Variants in RNF217 observed in about 807,000 individuals in gnomAD.
RNF217 encodes the protein ring finger protein 217, also known as E3 ubiquitin-protein ligase RNF217.
In RNF217, 31 loss-of-function variants were observed where a neutral mutation model predicts 57.8. The observed-to-expected ratio is 0.54, with a 90% confidence interval of 0.40 to 0.72. The LOEUF (loss-of-function observed/expected upper bound fraction) is 0.72, where lower values mean the gene tolerates loss of function less well. Ranked by LOEUF, RNF217 falls within the 30% of genes least tolerant of loss-of-function variation. The pLI is 0.00. For synonymous variants in RNF217, 313 were observed against 294.0 expected (o/e 1.06, Z -0.66); for missense variants, 696 against 708.3 (o/e 0.98, Z 0.20).
chr6:124,962,727 C>T lies in RNF217; in HGVS notation c.183C>T (p.Cys61=). The T allele has an allele frequency of 1.3e-6, 2 of 1,552,196 alleles. No individual in the cohort carries two copies. The highest frequency in any genetic ancestry group is 2.3e-5 in the East Asian group (1 of 42,636). The change falls in exon 1 of 6, where the codon TGC becomes TGT. Residue 61 remains cysteine (C), a synonymous_variant. Coordinates refer to ENST00000521654, the MANE Select transcript of RNF217 (RefSeq NM_001286398.3). The surrounding 1 kb of genome is among the most constrained non-coding windows in gnomAD (Gnocchi z 4.6). Reference sequence around the variant, plus strand: ...GTGGCTGCGGAAGCGACTGGGGCTGCGCGGACACCAGCGCCCCAGAGCCCG... The same window carrying T: ...GTGGCTGCGGAAGCGACTGGGGCTGTGCGGACACCAGCGCCCCAGAGCCCG... ...SGGGCGSDWG[C]ADTSAPEPAR... is the part of the protein sequence containing the mutation.
At chr6:124,999,761 C>T (rs936419348) in intron 1 of RNF217, among the ~76,000 whole-genome samples, 19 of 152,076 alleles carry the variant, frequency 1.2e-4, no homozygotes, top group Admixed American at 1.2e-3. Flanking sequence ...TTATCATGGA[C>T]CCCTGGTGTT....
Position 124,962,630 on chromosome 6 carries a change from A to G in RNF217, c.86A>G (p.Glu29Gly). 7.6e-7 allele frequency: 1 copy of G among 1,321,352 alleles called. No individual in the cohort carries two copies. Among genetic ancestry groups the G allele is most frequent in the Non-Finnish European group, 9.6e-7 (1 of 1,046,486 alleles). The allele number at this position is 1,321,352 out of a possible 1,614,324, so 81.9% of individuals were successfully genotyped here. A position where few individuals can be genotyped will look rare whatever the true frequency, so the allele number is the denominator to read the frequency against. ...GCCAGTGGCACTGCGGGCCACCCTG[A>G]GCCCCCGAGGCCTCAGGGGGACAGC... ...TLASGTAGHP[E>G]PPRPQGDSAR... is the part of the protein sequence containing the mutation. The change falls in exon 1 of 6, where the codon GAG becomes GGG. Residue 29 changes from glutamate (E) to glycine (G), a missense_variant. Glu to Gly is a moderately conservative substitution (Grantham distance 98). This residue lies in a region of RNF217 where 465 missense variants were observed against 386.8 expected (regional missense o/e 1.20). Transcript: ENST00000521654. The surrounding 1 kb of genome is among the most constrained non-coding windows in gnomAD (Gnocchi z 4.6).
chr6:125,057,936 A>G lies in RNF217; in HGVS notation c.1117-6A>G. 6.3e-7 allele frequency: 1 copy of G among 1,594,740 alleles called. No individual in the cohort carries two copies. The highest frequency in any genetic ancestry group is 8.5e-7 in the Non-Finnish European group (1 of 1,170,016). ...TAGTAATTAATATGATTTTTTTCTT[A>G]CACAGATCCAGTGCCCTACCTGCCA... On this transcript the variant is annotated splice_polypyrimidine_tract_variant and splice_region_variant and intron_variant, in intron 2 of 5. Transcript: ENST00000521654.
intron 2 of RNF217, among the ~76,000 whole-genome samples, chr6:125,050,254 G>A (rs1787258755): frequency 6.6e-6 from 1 of 152,008 alleles, no homozygotes; most frequent in East Asian, 1.9e-4. Context: ...ACATGTTAGA[G>A]AACACGTTAG....
At chr6:125,051,222 T>C (rs1347698753) in intron 2 of RNF217, among the ~76,000 whole-genome samples, 2 of 151,972 alleles carry the variant, frequency 1.3e-5, no homozygotes, top group Admixed American at 6.6e-5. Context: ...AATAATCAAA[T>C]CTTGCAGCTA....
At position 125,091,349 on chromosome 6, in the gene RNF217, ATTTC is replaced by A. The variant is rs1445912035; in HGVS notation, c.*8415_*8418del. ...TGCCTTATTTTTTTCACTTGACTTT[ATTTC>A]TTATCTAAAGAGCCATATATTTTTT... On this transcript the variant is annotated 3_prime_UTR_variant, in exon 6 of 6. Transcript: ENST00000521654. 1.3e-5 allele frequency: 2 copies of A among 151,832 alleles called. No homozygotes were observed. Among genetic ancestry groups the A allele is most frequent in the African/African-American group, 2.4e-5 (1 of 41,342 alleles). 9.4% of individuals were successfully genotyped at this position (151,832 alleles called of 1,614,324 possible). A position where few individuals can be genotyped will look rare whatever the true frequency, so the allele number is the denominator to read the frequency against.
At chr6:125,034,098 CTT>C (rs1786491351) in intron 1 of RNF217, among the ~76,000 whole-genome samples, 1 of 151,852 alleles carries the variant, frequency 6.6e-6, no homozygotes, top group South Asian at 2.1e-4. Context: ...GATATTAGCC[CTT>C]TGTCAGATGA....
chr6:125,018,477 G>T (rs1785695854), intron 1 of RNF217, among the ~76,000 whole-genome samples: 1 of 151,972 alleles, frequency 6.6e-6, no homozygotes, highest in Non-Finnish European at 1.5e-5. Flanking sequence ...GTTTGTTGAA[G>T]ACTTTTCAAA....
At chr6:125,011,110 G>A (rs1785398461) in intron 1 of RNF217, among the ~76,000 whole-genome samples, 2 of 152,050 alleles carry the variant, frequency 1.3e-5, no homozygotes, top group South Asian at 4.1e-4. Flanking sequence ...GAAAAGAAAT[G>A]GAGCCGTTAA....
At chr6:125,018,716 A>G (rs866743212) in intron 1 of RNF217, among the ~76,000 whole-genome samples, 4 of 152,184 alleles carry the variant, frequency 2.6e-5, no homozygotes, top group South Asian at 4.1e-4. Flanking sequence ...TAAAGATGGT[A>G]GTAGGACTAG....
At chr6:124,967,782 AT>A (rs561691064) in intron 1 of RNF217, among the ~76,000 whole-genome samples, 202 of 149,442 alleles carry the variant, frequency 1.4e-3, no homozygotes, top group African/African-American at 1.8e-3. Context: ...CATAACATAA[AT>A]TTTTTTTTTT....
intron 1 of RNF217, among the ~76,000 whole-genome samples, chr6:125,043,599 C>T (rs1786972202): frequency 6.6e-6 from 1 of 151,872 alleles, no homozygotes; most frequent in Non-Finnish European, 1.5e-5. Flanking sequence ...TTCATTAAGC[C>T]AGGTTCTTAG....
intron 3 of RNF217, among the ~76,000 whole-genome samples, chr6:125,059,514 A>C (rs146538432): frequency 1.3e-4 from 20 of 152,314 alleles, no homozygotes; most frequent in Middle Eastern, 3.4e-3. Flanking sequence ...GTTATTCATA[A>C]GTGCATTTTA....
In RNF217 at chr6:125,068,427, C is replaced by G. The variant is rs146137098; in HGVS notation, c.1282-8230C>G. Among the ~76,000 whole-genome samples, 7 of 152,310 alleles carry G rather than the reference C, an allele frequency of 4.6e-5. No homozygotes were observed. The East Asian group carries it at 1.2e-3, about 25-fold the overall frequency. On this transcript the variant is annotated intron_variant, in intron 3 of 5. Coordinates refer to ENST00000521654, the MANE Select transcript of RNF217 (RefSeq NM_001286398.3). ...AGAGAAACCTCCTCTGACCCTTACA[C>G]CAGATCAAGCTCATCTATTGAGTAC...
chr6:125,062,599 G>A (rs1457424495), intron 3 of RNF217, among the ~76,000 whole-genome samples: 3 of 151,676 alleles, frequency 2.0e-5, no homozygotes, highest in Non-Finnish European at 4.4e-5. Context: ...TTTTTGAGAT[G>A]GAGTCTCACT....
At chr6:124,983,559 A>G (rs1178399025) in intron 1 of RNF217, 2 of 915,748 alleles carry the variant, frequency 2.2e-6, no homozygotes, top group Non-Finnish European at 2.6e-6. Context: ...CAGTCATTCT[A>G]TTCCATCTTC....
At chr6:125,038,734 G>A (rs1426397722) in intron 1 of RNF217, among the ~76,000 whole-genome samples, 4 of 152,036 alleles carry the variant, frequency 2.6e-5, no homozygotes, top group Non-Finnish European at 4.4e-5. Context: ...CAGGATTCAC[G>A]GCTTAATTCA....
At position 125,026,446 on chromosome 6, in the gene RNF217, A is replaced by G. The variant is rs1786084784; in HGVS notation, c.883-18765A>G. Among the ~76,000 whole-genome samples, 6 of 152,294 alleles carry G rather than the reference A, an allele frequency of 3.9e-5. No individual in the cohort carries two copies. In the South Asian group the frequency reaches 1.2e-3, roughly 32 times the overall value. ...CGCTCAACAAATGTTAGCTGCTGCT[A>G]TCATCATCATCGTCATCATTATCAT... is the stretch of plus-strand genomic sequence containing the variant. On this transcript the variant is annotated intron_variant, in intron 1 of 5. Transcript: ENST00000521654.
chr6:125,034,871 A>C lies in RNF217; in HGVS notation c.883-10340A>C, dbSNP rs967118776. On this transcript the variant is annotated intron_variant, in intron 1 of 5. Coordinates refer to ENST00000521654, the MANE Select transcript of RNF217 (RefSeq NM_001286398.3). ...ATTTGTTTGTATCCTCTTTTATTTCATTGAGCAGTGGTTTGTAGTTCTCCT... is the reference window on the plus strand; with the variant it reads ...ATTTGTTTGTATCCTCTTTTATTTCCTTGAGCAGTGGTTTGTAGTTCTCCT... 5.9e-5 allele frequency among the ~76,000 whole-genome samples: 9 copies of C among 151,936 alleles called. 1 individual carries two copies. In the East Asian group the frequency reaches 9.7e-4, roughly 16 times the overall value.
Sources: allele counts gnomAD v4.1 joint callset (sites outside exome capture counted in the v4.1 genomes callset), GRCh38; gene constraint gnomAD v4.1.1; regional missense constraint gnomAD v4.1.1; non-coding constraint Gnocchi (gnomAD v3.1); transcripts MANE v1.5; gene names NCBI Gene and HGNC (gene_info 2026-07-23, HGNC 2026-07-21).